The following RPH3AL variants were observed in gnomAD, a reference collection of about 807,000 sequenced individuals.
RPH3AL encodes rabphilin 3A like (without C2 domains).
A neutral mutation model predicts 43.1 loss-of-function variants in RPH3AL; 38 were observed. The ratio of observed to expected loss-of-function variants is 0.88; its 90% CI spans 0.68 to 1.15. The LOEUF (loss-of-function observed/expected upper bound fraction) is 1.15. RPH3AL is among the 50% of genes most tolerant of loss of function. The pLI is 0.00. For synonymous variants in RPH3AL, 189 were observed against 176.3 expected, an observed-to-expected ratio of 1.07 and a Z score of -0.57; for missense variants, 462 against 423.2, an observed-to-expected ratio of 1.09 and a Z score of -0.81.
rs767227281 is a variant in RPH3AL, at chr17:319,452, T to C, written c.319A>G (p.Ser107Gly). 6 of 1,612,630 alleles carry C rather than the reference T, an allele frequency of 3.7e-6. No individual in the cohort carries two copies. The highest frequency in any genetic ancestry group is 5.1e-6 in the Non-Finnish European group (6 of 1,179,902). ...LCGEVLGFLG[S>G]SSVFCKDCRK... ...CAGTCTTTGCAGAACACCGACGAGCTGCCCAGGAAGCCCAGCACCTCCCCG... is the reference window on the plus strand; with the variant it reads ...CAGTCTTTGCAGAACACCGACGAGCCGCCCAGGAAGCCCAGCACCTCCCCG... The change falls in exon 5 of 10, where the codon AGC becomes GGC. Residue 107 changes from serine to glycine, a missense_variant. Transcript: ENST00000331302.
intron 5 of RPH3AL, among the ~76,000 whole-genome samples, chr17:297,646 T>C (rs2043215975): frequency 6.6e-6 from 1 of 152,204 alleles, no homozygotes; most frequent in South Asian, 2.1e-4. Context: ...AAAACCACTT[T>C]GCTTGGTGTT....
chr17:284,213 G>C (rs2042850854), intron 5 of RPH3AL, among the ~76,000 whole-genome samples: 1 of 152,144 alleles, frequency 6.6e-6, no homozygotes, highest in African/African-American at 2.4e-5. Context: ...TATCGGACCG[G>C]GCCAGAGTAT....
chr17:281,225 C>T (rs143223347), intron 6 of RPH3AL, among the ~76,000 whole-genome samples: 165 of 152,280 alleles, frequency 1.1e-3, no homozygotes, highest in Non-Finnish European at 1.9e-3. Context: ...CAGCAGACAA[C>T]GGCTGAGTTT....
intron 6 of RPH3AL, among the ~76,000 whole-genome samples, chr17:273,051 AGAGACCCCAGCGAGGGCGACGTCAGGG>A (rs2042541626): frequency 2.3e-5 from 3 of 132,296 alleles, no homozygotes; most frequent in African/African-American, 5.7e-5. Context: ...GACGTCAGGG[AGAGACCCCAGCGAGGGCGACGTCAGGG>A]AGAGACCCCA....
At chr17:233,150 C>T (rs543656227) in intron 7 of RPH3AL, among the ~76,000 whole-genome samples, 193 of 149,988 alleles carry the variant, frequency 1.3e-3, no homozygotes, top group Non-Finnish European at 2.3e-3. Flanking sequence ...GGCACGTGTG[C>T]GTGTGTGTGC....
chr17:332,135 G>A (rs749811007), intron 2 of RPH3AL: 28 of 346,380 alleles, frequency 8.1e-5, no homozygotes, highest in Non-Finnish European at 1.4e-4. Flanking sequence ...GGAGCTCTGC[G>A]GGGAGCAGAC....
chr17:335,076 G>A (rs984115695), intron 1 of RPH3AL, among the ~76,000 whole-genome samples: 4 of 152,212 alleles, frequency 2.6e-5, no homozygotes, highest in African/African-American at 4.8e-5. Context: ...CACAGGGTCC[G>A]ACCCACGGTG....
At chr17:218,162 T>C (rs1388429954) in intron 8 of RPH3AL, among the ~76,000 whole-genome samples, 16 of 150,686 alleles carry the variant, frequency 1.1e-4, no homozygotes, top group Non-Finnish European at 3.0e-5. Context: ...TTCATTCCCA[T>C]CTGGGGCAGT....
chr17:285,819 C>T (rs1369685092), intron 5 of RPH3AL, among the ~76,000 whole-genome samples: 1 of 152,220 alleles, frequency 6.6e-6, no homozygotes. Flanking sequence ...CCAATCAACC[C>T]GACTGATGCA....
In RPH3AL at chr17:213,817, C is replaced by T; in HGVS notation, c.*35G>A. ...AGCCGGGCAGGGTCTGGCAGGAATC[C>T]TCCACAGGGAAGTCTGTTCCAGGCA... On this transcript the variant is annotated 3_prime_UTR_variant, in exon 10 of 10. Coordinates refer to ENST00000331302, the MANE Select transcript of RPH3AL (RefSeq NM_006987.4). The T allele has an allele frequency of 1.9e-6, 3 of 1,581,160 alleles. No homozygotes were observed. Among genetic ancestry groups the T allele is most frequent in the Non-Finnish European group, 2.6e-6 (3 of 1,151,858 alleles).
At chr17:304,522 C>T (rs1186355556) in intron 5 of RPH3AL, among the ~76,000 whole-genome samples, 1 of 152,132 alleles carries the variant, frequency 6.6e-6, no homozygotes. Context: ...AGGCTGGTAC[C>T]CCAGGCCACC....
chr17:335,436 C>T (rs73971746), intron 1 of RPH3AL, among the ~76,000 whole-genome samples: 159 of 152,076 alleles, frequency 1.0e-3, no homozygotes, highest in African/African-American at 3.4e-3. Context: ...CCCTCTGAGC[C>T]GCTGCATCAC....
At chr17:219,372 T>C (rs1276152096) in intron 8 of RPH3AL, among the ~76,000 whole-genome samples, 1 of 151,228 alleles carries the variant, frequency 6.6e-6, no homozygotes, top group African/African-American at 2.4e-5. Flanking sequence ...CTAATTTTCA[T>C]ATTTTTAGTA....
At chr17:310,746 C>G (rs2043624802) in intron 5 of RPH3AL, among the ~76,000 whole-genome samples, 1 of 152,206 alleles carries the variant, frequency 6.6e-6, no homozygotes, top group South Asian at 2.1e-4. Flanking sequence ...CCGCATGGCT[C>G]CTGACACCAG....
intron 7 of RPH3AL, among the ~76,000 whole-genome samples, chr17:238,543 A>G (rs1001184321): frequency 1.3e-5 from 2 of 152,188 alleles, no homozygotes; most frequent in Non-Finnish European, 2.9e-5. Context: ...CTTTCTTTAC[A>G]GTGACAGCTG....
intron 6 of RPH3AL, among the ~76,000 whole-genome samples, chr17:258,944 C>G (rs2042135916): frequency 6.6e-6 from 1 of 151,932 alleles, no homozygotes; most frequent in Non-Finnish European, 1.5e-5. Context: ...CACTTTTGAA[C>G]TATCAAAAAA....
At chr17:294,164 C>T (rs190132126) in intron 5 of RPH3AL, among the ~76,000 whole-genome samples, 14 of 152,184 alleles carry the variant, frequency 9.2e-5, no homozygotes, top group African/African-American at 3.4e-4. Flanking sequence ...GTGCCAGGTA[C>T]GAGCCCAGTG....
chr17:299,686 C>T (rs1175385528), intron 5 of RPH3AL, among the ~76,000 whole-genome samples: 1 of 152,258 alleles, frequency 6.6e-6, no homozygotes, highest in East Asian at 1.9e-4. Context: ...TGCCAGCTTG[C>T]AGGGCACGGC....
rs2151619461 is a variant in RPH3AL at position 289,444 on chromosome 17, T to C, written c.352-7590A>G. 6.6e-6 allele frequency among the ~76,000 whole-genome samples: 1 copy of C among 152,240 alleles called. No individual in the cohort carries two copies. The highest frequency in any genetic ancestry group is 1.5e-5 in the Non-Finnish European group (1 of 67,992). ...CCCCTTCAGCCCCGTCCCTGATCTC[T>C]GCTGCCACCGCCCACGCCCACACCA... On this transcript the variant is annotated intron_variant, in intron 5 of 9. Transcript: ENST00000331302. This position sits in a 1 kb window ranked among gnomAD's most constrained non-coding sequence, Gnocchi z 5.2.
Sources: allele counts gnomAD v4.1 joint callset (sites outside exome capture counted in the v4.1 genomes callset), GRCh38; gene constraint gnomAD v4.1.1; non-coding constraint Gnocchi (gnomAD v3.1); transcripts MANE v1.5; gene names NCBI Gene and HGNC (gene_info 2026-07-23, HGNC 2026-07-21).